The following GBE1 variants were observed in gnomAD, a reference collection of about 807,000 sequenced individuals.
GBE1 encodes 1,4-alpha-glucan branching enzyme 1, also known as 1,4-alpha-glucan-branching enzyme.
Under a neutral mutation model 88.8 loss-of-function variants are expected in GBE1, and 70 were observed. The ratio of observed to expected loss-of-function variants is 0.79; its 90% confidence interval spans 0.65 to 0.96. GBE1 has a LOEUF of 0.96. Ranked by LOEUF, GBE1 falls within the 40% of genes least tolerant of loss-of-function variation. GBE1 has a pLI of 0.00. For missense variants in GBE1, 872 were observed against 871.0 expected, an observed-to-expected ratio of 1.00 and a Z score of -0.01; for synonymous variants, 284 against 300.1, an observed-to-expected ratio of 0.95 and a Z score of 0.56.
intron 12 of GBE1, among the ~76,000 whole-genome samples, chr3:81,546,675 A>T (rs1350165081): frequency 1.3e-5 from 2 of 151,606 alleles, no homozygotes; most frequent in Non-Finnish European, 3.0e-5. Context: ...AACATCAGGA[A>T]GTTACCCTCT....
In GBE1 at chr3:81,668,222, G is replaced by T. The variant is rs1576192693; in HGVS notation, c.429+2616C>A. 2.0e-5 allele frequency among the ~76,000 whole-genome samples: 3 copies of T among 152,170 alleles called. No individual in the cohort carries two copies. In the South Asian group the frequency reaches 6.2e-4, roughly 32 times the overall value. On this transcript the variant is annotated intron_variant, in intron 3 of 15. Coordinates refer to ENST00000429644, the MANE Select transcript of GBE1 (RefSeq NM_000158.4). Reference sequence around the variant, plus strand: ...CACACCAGGGCCTGTTGTGGGGTGGGGGTGAAGGGAGGGAACTCAGAGAAC... The same window carrying T: ...CACACCAGGGCCTGTTGTGGGGTGGTGGTGAAGGGAGGGAACTCAGAGAAC...
At chr3:81,538,827 A>T (rs1703110079) in intron 12 of GBE1, among the ~76,000 whole-genome samples, 1 of 152,026 alleles carries the variant, frequency 6.6e-6, no homozygotes, top group African/African-American at 2.4e-5. Flanking sequence ...TAGCGATAGT[A>T]TATTAGCCTA....
intron 7 of GBE1, among the ~76,000 whole-genome samples, chr3:81,623,751 G>A (rs556176010): frequency 6.6e-6 from 1 of 152,274 alleles, no homozygotes; most frequent in Admixed American, 6.5e-5. Flanking sequence ...CAGCCTCCAG[G>A]TTGCCTGGGC....
At chr3:81,695,397 C>A (rs976551839) in intron 2 of GBE1, among the ~76,000 whole-genome samples, 1 of 152,052 alleles carries the variant, frequency 6.6e-6, no homozygotes, top group African/African-American at 2.4e-5. Context: ...GACACAAAAG[C>A]CCAGATGTAT....
In GBE1 at chr3:81,490,360, A is replaced by T; in HGVS notation, c.*47T>A. 6.7e-7 allele frequency: 1 copy of T among 1,498,932 alleles called. No homozygotes were observed. The highest frequency in any genetic ancestry group is 9.3e-7 in the Non-Finnish European group (1 of 1,075,400). 92.9% of individuals were successfully genotyped at this position (1,498,932 alleles called of 1,614,324 possible). A position where few individuals can be genotyped will look rare whatever the true frequency, so the allele number is the denominator to read the frequency against. On this transcript the variant is annotated 3_prime_UTR_variant, in exon 16 of 16. Transcript: ENST00000429644. The stretch of plus-strand genomic sequence containing the variant: ...TAAGCTGTGTGACAGTGATAACAAG[A>T]AAACAAAACACAAATCTGCATCTGG...
intron 7 of GBE1, among the ~76,000 whole-genome samples, chr3:81,624,776 C>T (rs1704388057): frequency 1.3e-5 from 2 of 152,138 alleles, no homozygotes; most frequent in Admixed American, 1.3e-4. Context: ...AAGCATATCT[C>T]TACTTTCTAT....
intron 2 of GBE1, among the ~76,000 whole-genome samples, chr3:81,687,860 C>T (rs1705462254): frequency 1.3e-5 from 2 of 152,160 alleles, no homozygotes; most frequent in South Asian, 2.1e-4. Context: ...TAGATCGAGA[C>T]GCCCCATTCA....
At chr3:81,566,643 T>C (rs1446689842) in intron 12 of GBE1, among the ~76,000 whole-genome samples, 1 of 152,202 alleles carries the variant, frequency 6.6e-6, no homozygotes, top group Non-Finnish European at 1.5e-5. Flanking sequence ...CCTTCTATTT[T>C]TTCAAACATC....
chr3:81,627,366 A>C (rs985280997), intron 7 of GBE1, among the ~76,000 whole-genome samples: 16 of 152,222 alleles, frequency 1.1e-4, no homozygotes, highest in Non-Finnish European at 2.9e-5. Flanking sequence ...CAAGATAAAC[A>C]TGGTCTTTGC....
intron 2 of GBE1, among the ~76,000 whole-genome samples, chr3:81,684,198 T>C (rs1328782986): frequency 6.6e-6 from 1 of 152,152 alleles, no homozygotes; most frequent in African/African-American, 2.4e-5. Flanking sequence ...ATTTGAATCA[T>C]GTTAGTCTGA....
intron 7 of GBE1, among the ~76,000 whole-genome samples, chr3:81,639,531 G>A (rs1016633211): frequency 6.6e-6 from 1 of 151,892 alleles, no homozygotes; most frequent in Admixed American, 6.6e-5. Flanking sequence ...GGGGCGTTAA[G>A]GAATTTTAAG....
intron 1 of GBE1, among the ~76,000 whole-genome samples, chr3:81,722,779 G>A (rs17019219): frequency 0.042 from 6,374 of 151,056 alleles, 451 homozygotes; most frequent in East Asian, 0.34. Context: ...TCAAGGCTTC[G>A]ATGGCTCTGT....
At chr3:81,494,138 C>T (rs895564964) in intron 15 of GBE1, among the ~76,000 whole-genome samples, 4 of 152,048 alleles carry the variant, frequency 2.6e-5, no homozygotes, top group African/African-American at 4.8e-5. Flanking sequence ...TTATATTGCT[C>T]CAGAGCCTTT....
chr3:81,516,637 G>A (rs750028769), intron 14 of GBE1, among the ~76,000 whole-genome samples: 14 of 151,366 alleles, frequency 9.2e-5, no homozygotes, highest in South Asian at 2.1e-4. Context: ...AATGAATCTC[G>A]GCAAAGCAAA....
At chr3:81,552,436 G>GA (rs1484573131) in intron 12 of GBE1, among the ~76,000 whole-genome samples, 1 of 143,778 alleles carries the variant, frequency 7.0e-6, no homozygotes, top group Non-Finnish European at 1.5e-5. Flanking sequence ...AAAATTGCTT[G>GA]AACCCGGAAG....
At chr3:81,602,992 C>T (rs1209729499) in intron 7 of GBE1, among the ~76,000 whole-genome samples, 1 of 152,158 alleles carries the variant, frequency 6.6e-6, no homozygotes, top group African/African-American at 2.4e-5. Context: ...TCTGCTTACT[C>T]TCTGCCTGGA....
intron 14 of GBE1, among the ~76,000 whole-genome samples, chr3:81,513,878 A>T (rs557101028): frequency 6.6e-6 from 1 of 151,818 alleles, no homozygotes; most frequent in East Asian, 1.9e-4. Context: ...TCAAAACAAA[A>T]CTAAGTGGCA....
intron 14 of GBE1, chr3:81,509,697 C>G (rs1287670061): frequency 6.6e-6 from 1 of 151,702 alleles, no homozygotes; most frequent in African/African-American, 2.4e-5. Context: ...CATGTTTTTG[C>G]TAAACTTTGA....
At chr3:81,605,828 T>A (rs1704094991) in intron 7 of GBE1, among the ~76,000 whole-genome samples, 1 of 152,158 alleles carries the variant, frequency 6.6e-6, no homozygotes, top group South Asian at 2.1e-4. Context: ...ATGGCTATAT[T>A]TCAATAAAAC....
Sources: allele counts gnomAD v4.1 joint callset (sites outside exome capture counted in the v4.1 genomes callset), GRCh38; gene constraint gnomAD v4.1.1; transcripts MANE v1.5; gene names NCBI Gene and HGNC (gene_info 2026-07-23, HGNC 2026-07-21).